MAP4K2: variants seen among roughly 807,000 people sequenced by gnomAD.
MAP4K2 encodes mitogen-activated protein kinase kinase kinase kinase 2.
Under a neutral mutation model 125.3 loss-of-function variants are expected in MAP4K2, and 85 were observed. The observed-to-expected ratio is 0.68, with a 90% confidence interval of 0.57 to 0.81. The LOEUF is 0.81. MAP4K2 is among the 40% of genes least tolerant of loss of function. The pLI is 0.00. For synonymous variants in MAP4K2, 479 were observed against 445.1 expected, an observed-to-expected ratio of 1.08 and a Z score of -0.96; for missense variants, 923 against 1,056.4, an observed-to-expected ratio of 0.87 and a Z score of 1.75.
Position 64,789,769 on chromosome 11 carries a change from G to A in MAP4K2, c.2336C>T (p.Thr779Ile), listed in dbSNP as rs1473622173. 1.9e-6 allele frequency: 3 copies of A among 1,614,010 alleles called. No individual in the cohort carries two copies. Among genetic ancestry groups the A allele is most frequent in the African/African-American group, 2.7e-5 (2 of 74,904 alleles). The change falls in exon 31 of 32, where the codon ACA becomes ATA. Residue 779 changes from threonine (T) to isoleucine (I), a missense_variant. This residue lies in a region of MAP4K2 where 90 missense variants were observed against 144.9 expected (regional missense o/e 0.62). Coordinates refer to ENST00000294066, the MANE Select transcript of MAP4K2 (RefSeq NM_004579.5). ...LDTNEVTQEITDETRIFRVLG... is the reference protein window; with the variant it reads ...LDTNEVTQEIIDETRIFRVLG... ...CACTCGGAAGATCCTTGTTTCATCT[G>A]TGATCTCCTGGGTCACCTGGGAAGA...
chr11:64,788,726 A>G lies in MAP4K2; in HGVS notation c.*811T>C, dbSNP rs947798182. 3 of 152,348 alleles carry G rather than the reference A, an allele frequency of 2.0e-5. No individual in the cohort carries two copies. The highest frequency in any genetic ancestry group is 7.2e-5 in the African/African-American group (3 of 41,552). 9.4% of individuals were successfully genotyped at this position (152,348 alleles called of 1,614,324 possible). A position where few individuals can be genotyped will look rare whatever the true frequency, so the allele number is the denominator to read the frequency against. ...GGTGGAGGCAGGGGATACAGGTCAC[A>G]CAGGCTACCTCCATGGGCAGCAGCC... On this transcript the variant is annotated 3_prime_UTR_variant, in exon 32 of 32. Transcript: ENST00000294066.
At chr11:64,792,337 C>T (rs1269800816) in intron 25 of MAP4K2, 27 bp downstream of exon 25, 4 of 1,512,598 alleles carry the variant, frequency 2.6e-6, no homozygotes, top group Non-Finnish European at 2.7e-6. Context: ...CCAGGCCCCG[C>T]CCCACCCCGC....
rs1940187706 is a variant in MAP4K2, at chr11:64,785,765, T to C, written c.*3772A>G. On this transcript the variant is annotated 3_prime_UTR_variant, in exon 32 of 32. Transcript: ENST00000294066. ...CCACCATGTCCAGCTAATTTGTGTA[T>C]CTTTTGTAGAGACAGGGTTTTGTCA... The C allele has an allele frequency of 6.6e-6, 1 of 152,050 alleles. No homozygotes were observed. The highest frequency in any genetic ancestry group is 2.4e-5 in the African/African-American group (1 of 41,364). The allele number at this position is 152,050 out of a possible 1,614,324, so 9.4% of individuals were successfully genotyped here. A position where few individuals can be genotyped will look rare whatever the true frequency, so the allele number is the denominator to read the frequency against.
chr11:64,795,392 AT>A (rs1371718725), intron 24 of MAP4K2, among the ~76,000 whole-genome samples: 2 of 147,854 alleles, frequency 1.4e-5, no homozygotes, highest in East Asian at 4.0e-4. Flanking sequence ...CCATTTTTTG[AT>A]TTTTTGGGCT....
chr11:64,795,265 G>T (rs745873609), intron 24 of MAP4K2, among the ~76,000 whole-genome samples: 10 of 150,452 alleles, frequency 6.6e-5, no homozygotes, highest in Non-Finnish European at 1.3e-4. Context: ...TGTATTTTCA[G>T]TAGAGACGGG....
In MAP4K2 at chr11:64,789,211, G is replaced by C; in HGVS notation, c.*326C>G. On this transcript the variant is annotated 3_prime_UTR_variant, in exon 32 of 32. Coordinates refer to ENST00000294066, the MANE Select transcript of MAP4K2 (RefSeq NM_004579.5). ...TTTCCCAGGACAAATGCAGGGGCAG[G>C]CTCTTGGCAGAAAGAGTAGAAAGGA... is the stretch of plus-strand genomic sequence containing the variant. 2.5e-6 allele frequency: 1 copy of C among 402,316 alleles called. No homozygotes were observed. Among genetic ancestry groups the C allele is most frequent in the Non-Finnish European group, 4.6e-6 (1 of 216,642 alleles). The allele number at this position is 402,316 out of a possible 1,614,324, so 24.9% of individuals were successfully genotyped here. A position where few individuals can be genotyped will look rare whatever the true frequency, so the allele number is the denominator to read the frequency against.
intron 4 of MAP4K2, 85 bp from the exon 5 acceptor site, chr11:64,802,206 G>T: frequency 7.4e-7 from 1 of 1,345,224 alleles, no homozygotes; most frequent in Non-Finnish European, 1.1e-6. Context: ...AAAGCAGCAG[G>T]CACTGTTAAA....
chr11:64,790,083 G>C, intron 29 of MAP4K2, 105 bp downstream of exon 29: 4 of 1,531,592 alleles, frequency 2.6e-6, no homozygotes, highest in Non-Finnish European at 3.6e-6. Flanking sequence ...CTCAGGAGAG[G>C]GGCTAGGGGA....
At position 64,788,028 on chromosome 11, in the gene MAP4K2, TCC is replaced by T. The variant is rs1263033182; in HGVS notation, c.*1507_*1508del. The T allele has an allele frequency of 2.0e-5, 3 of 152,150 alleles. No individual in the cohort carries two copies. Among genetic ancestry groups the T allele is most frequent in the Non-Finnish European group, 4.4e-5 (3 of 68,034 alleles). The allele number at this position is 152,150 out of a possible 1,614,324, so 9.4% of individuals were successfully genotyped here. ...GAATGCCTGGTGTGAAGAGATGTGTTCCCTCCCCTGGGCTGGCTCCCCATTCC... is the reference window on the plus strand; with the variant it reads ...GAATGCCTGGTGTGAAGAGATGTGTTCTCCCCTGGGCTGGCTCCCCATTCC... On this transcript the variant is annotated 3_prime_UTR_variant, in exon 32 of 32. Coordinates refer to ENST00000294066, the MANE Select transcript of MAP4K2 (RefSeq NM_004579.5).
intron 14 of MAP4K2, 70 bp downstream of exon 14, chr11:64,799,351 G>T: frequency 6.4e-7 from 1 of 1,573,200 alleles, no homozygotes; most frequent in Non-Finnish European, 8.7e-7. Flanking sequence ...GATTTGAGCT[G>T]CTCGGCCTCC....
chr11:64,793,752 T>A (rs1241484886), intron 24 of MAP4K2, among the ~76,000 whole-genome samples: 1 of 152,258 alleles, frequency 6.6e-6, no homozygotes, highest in Non-Finnish European at 1.5e-5. Flanking sequence ...ATTTGTTTTT[T>A]CTCCAAACAA....
chr11:64,797,492 G>C lies in MAP4K2; in HGVS notation c.1170+9C>G, dbSNP rs1286758367. ...TGGATCCCAGCTCCAGCCTCCCTCT[G>C]TGTGGCACCTGGAATTCTGAGGCTG... On this transcript the variant is annotated intron_variant, in intron 17 of 31. Transcript: ENST00000294066. The C allele has an allele frequency of 9.0e-6, 14 of 1,562,710 alleles. No individual in the cohort carries two copies. The highest frequency in any genetic ancestry group is 2.4e-5 in the South Asian group (2 of 84,920).
intron 17 of MAP4K2, 24 bp from the exon 18 acceptor site, chr11:64,797,404 C>A: frequency 6.4e-7 from 1 of 1,564,224 alleles, no homozygotes; most frequent in Middle Eastern, 1.7e-4. Context: ...CAGGGCCCAG[C>A]CCGGCCGTTA....
chr11:64,800,809 G>A lies in MAP4K2; in HGVS notation c.680C>T (p.Ser227Leu), dbSNP rs773086220. The change falls in exon 10 of 32, where the codon TCG (serine) becomes TTG (leucine). Residue 227 changes from serine to leucine, a missense_variant. This residue lies in a region of MAP4K2 where 833 missense variants were observed against 911.4 expected (regional missense o/e 0.91). Coordinates refer to ENST00000294066, the MANE Select transcript of MAP4K2 (RefSeq NM_004579.5). ...LHPMRALMLM[S>L]KSSFQPPKLR... ...TTTGGGCGGCTGGAAGCTGCTCTTC[G>A]ACATGAGCATCAGGGCCCTGTGGAG... 2.1e-5 allele frequency: 34 copies of A among 1,611,828 alleles called. No homozygotes were observed. Among genetic ancestry groups the A allele is most frequent in the Non-Finnish European group, 2.5e-5 (29 of 1,179,148 alleles).
rs757566744 is a variant in MAP4K2, at chr11:64,802,621, T to C, written c.187A>G (p.Thr63Ala). ...GGGTGGCGGCACTCACGCAGGATGG[T>C]GATTTCCTGCTGGAGGGAGCTGATG... ...DDISSLQQEI[T>A]ILRECRHPNV... Residue 63 changes from threonine to alanine, a missense_variant, in exon 3 of 32, where the codon ACC becomes GCC. Around this residue, in one of 2 missense-constraint regions of MAP4K2, gnomAD observed 833 missense variants for 911.4 expected, o/e 0.91. Transcript: ENST00000294066. 7.4e-6 allele frequency: 12 copies of C among 1,612,282 alleles called. No individual in the cohort carries two copies. Among genetic ancestry groups the C allele is most frequent in the Admixed American group, 3.3e-5 (2 of 59,884 alleles).
rs1940185815 is a variant in MAP4K2, at chr11:64,785,624, C to CT, written c.*3912dup. On this transcript the variant is annotated 3_prime_UTR_variant, in exon 32 of 32. Transcript: ENST00000294066. ...TTTCTTTTTGAGACAGGTTCTCACTCTGTCACCCAGGCTGGAGTGCAGTGG... is the reference window on the plus strand; with the variant it reads ...TTTCTTTTTGAGACAGGTTCTCACTCTTGTCACCCAGGCTGGAGTGCAGTGG... 1 of 149,236 alleles carries CT rather than the reference C, an allele frequency of 6.7e-6. No homozygotes were observed. Among genetic ancestry groups the CT allele is most frequent in the Non-Finnish European group, 1.5e-5 (1 of 67,560 alleles). 9.2% of individuals were successfully genotyped at this position (149,236 alleles called of 1,614,324 possible). A position where few individuals can be genotyped will look rare whatever the true frequency, so the allele number is the denominator to read the frequency against.
At chr11:64,802,977 G>A (rs1275805154) in intron 1 of MAP4K2, 35 bp from the exon 2 acceptor site, 1 of 1,555,752 alleles carries the variant, frequency 6.4e-7, no homozygotes, top group East Asian at 2.4e-5. Flanking sequence ...GATGGGGGGC[G>A]GGGCCGGGGG....
At chr11:64,794,424 A>G (rs2136041617) in intron 24 of MAP4K2, among the ~76,000 whole-genome samples, 1 of 151,532 alleles carries the variant, frequency 6.6e-6, no homozygotes, top group South Asian at 2.1e-4. Context: ...CAATGGTGCG[A>G]TCTCGGCTCA....
chr11:64,797,463 G>A (rs1419418495), intron 17 of MAP4K2, 38 bp downstream of exon 17: 1 of 1,558,822 alleles, frequency 6.4e-7, no homozygotes, highest in South Asian at 1.2e-5. Flanking sequence ...CCTCTGCAGT[G>A]GCCTGGATCC....
Sources: gnomAD v4.1 joint callset for allele counts (sites outside exome capture counted in the v4.1 genomes callset) on GRCh38, gnomAD v4.1.1 for gene constraint, gnomAD v4.1.1 regional missense constraint, MANE v1.5 for transcripts, NCBI Gene and HGNC (gene_info 2026-07-23, HGNC 2026-07-21) for gene names.